CSMD1: variants seen among roughly 807,000 people sequenced by gnomAD.
CSMD1 encodes CUB and Sushi multiple domains 1.
A neutral mutation model predicts 417.5 loss-of-function variants in CSMD1; 213 were observed. The ratio of observed to expected loss-of-function variants is 0.51; its 90% CI spans 0.46 to 0.57. The LOEUF (loss-of-function observed/expected upper bound fraction) is 0.57, where lower values mean the gene tolerates loss of function less well. Ranked by LOEUF, CSMD1 falls within the 20% of genes least tolerant of loss-of-function variation. The probability of loss-of-function intolerance (pLI) is 0.00; values close to 1 mark genes in which losing one functional copy is unlikely to be tolerated. For synonymous variants in CSMD1, 2,862 were observed against 1,736.8 expected (o/e 1.65, Z -16.11); for missense variants, 6,923 against 4,529.7 (o/e 1.53, Z -15.17).
Position 4,145,159 on chromosome 8 carries a change from C to A in CSMD1, c.416-113060G>T, listed in dbSNP as rs1315020445. 2.6e-5 allele frequency among the ~76,000 whole-genome samples: 4 copies of A among 151,084 alleles called. No homozygotes were observed. The East Asian group carries it at 5.8e-4, about 22-fold the overall frequency. ...GTTTAGACACATGTAATAAAAGGCACGAACCCATTCATTCAATTACTAAAA... is the reference window on the plus strand; with the variant it reads ...GTTTAGACACATGTAATAAAAGGCAAGAACCCATTCATTCAATTACTAAAA... On this transcript the variant is annotated intron_variant, in intron 3 of 69. Transcript: ENST00000635120.
intron 3 of CSMD1, among the ~76,000 whole-genome samples, chr8:4,136,473 C>G (rs199949131): frequency 6.6e-6 from 1 of 152,130 alleles, no homozygotes; most frequent in Non-Finnish European, 1.5e-5. Flanking sequence ...TGTTAGCAAA[C>G]CAAAGAACTG....
At chr8:4,583,439 G>A (rs1047479530) in intron 2 of CSMD1, among the ~76,000 whole-genome samples, 18 of 152,070 alleles carry the variant, frequency 1.2e-4, no homozygotes, top group African/African-American at 1.7e-4. Context: ...TGCACCAATC[G>A]ACACTCTGTA....
intron 26 of CSMD1, among the ~76,000 whole-genome samples, chr8:3,240,305 A>C (rs1476386874): frequency 6.6e-6 from 1 of 152,068 alleles, no homozygotes; most frequent in Non-Finnish European, 1.5e-5. Flanking sequence ...GGAGTGGGGA[A>C]AGGACTTAGG....
chr8:3,815,400 T>G (rs61451314), intron 5 of CSMD1, among the ~76,000 whole-genome samples: 2 of 152,300 alleles, frequency 1.3e-5, no homozygotes, highest in Admixed American at 1.3e-4. Context: ...AAATCTGGAA[T>G]GAATTGAGAT....
At chr8:4,064,522 GTGAAGC>G (rs1585235841) in intron 3 of CSMD1, among the ~76,000 whole-genome samples, 2 of 152,338 alleles carry the variant, frequency 1.3e-5, no homozygotes, top group East Asian at 3.9e-4. Context: ...TAACATCCAA[GTGAAGC>G]CACCCATGAG....
At chr8:3,184,575 G>C (rs560775828) in intron 36 of CSMD1, among the ~76,000 whole-genome samples, 12 of 152,286 alleles carry the variant, frequency 7.9e-5, no homozygotes, top group East Asian at 5.8e-4. Context: ...TTACGCATTT[G>C]TTCTGCACAC....
At chr8:4,726,307 G>A (rs146144750) in intron 1 of CSMD1, among the ~76,000 whole-genome samples, 2 of 150,996 alleles carry the variant, frequency 1.3e-5, no homozygotes, top group African/African-American at 4.9e-5. Context: ...AGTGGGTAGC[G>A]GGTTCTTTAA....
At chr8:4,945,494 A>T (rs1187480386) in intron 1 of CSMD1, among the ~76,000 whole-genome samples, 2 of 126,460 alleles carry the variant, frequency 1.6e-5, no homozygotes, top group Non-Finnish European at 3.1e-5. Flanking sequence ...CAAGAGTTTT[A>T]AAAAAACAAA....
At chr8:3,181,589 A>T (rs1302321457) in intron 36 of CSMD1, among the ~76,000 whole-genome samples, 2 of 152,176 alleles carry the variant, frequency 1.3e-5, no homozygotes, top group African/African-American at 4.8e-5. Context: ...ATGAGGGTTG[A>T]GGGAGCAGTC....
chr8:3,732,041 G>C (rs1010659259), intron 6 of CSMD1, among the ~76,000 whole-genome samples: 2 of 122,686 alleles, frequency 1.6e-5, no homozygotes, highest in East Asian at 2.2e-4. Flanking sequence ...ACATTTTTTA[G>C]ACAAAAAAAA....
intron 3 of CSMD1, among the ~76,000 whole-genome samples, chr8:4,211,659 G>A (rs944113694): frequency 3.9e-5 from 6 of 152,166 alleles, no homozygotes; most frequent in Non-Finnish European, 8.8e-5. Context: ...TGTAAATATG[G>A]CAGTATCCTT....
chr8:3,026,106 T>G (rs1461126122), intron 51 of CSMD1, among the ~76,000 whole-genome samples: 1 of 151,978 alleles, frequency 6.6e-6, no homozygotes, highest in African/African-American at 2.4e-5. Flanking sequence ...ATGAGATGAT[T>G]TGGATGGGAA....
At chr8:4,357,770 AAAG>A (rs1391369124) in intron 3 of CSMD1, among the ~76,000 whole-genome samples, 9 of 152,202 alleles carry the variant, frequency 5.9e-5, no homozygotes, top group Non-Finnish European at 1.2e-4. Context: ...AGAAAAATGA[AAAG>A]AATAAGGAGG....
intron 33 of CSMD1, among the ~76,000 whole-genome samples, chr8:3,198,236 T>C (rs1474884511): frequency 6.6e-6 from 1 of 152,182 alleles, no homozygotes; most frequent in Non-Finnish European, 1.5e-5. Flanking sequence ...ATAATCTTTA[T>C]CAAAAACCAA....
At chr8:4,927,086 GC>G (rs1208775002) in intron 1 of CSMD1, among the ~76,000 whole-genome samples, 1 of 100,008 alleles carries the variant, frequency 1.0e-5, no homozygotes, top group East Asian at 3.8e-4. Flanking sequence ...TGCTTTCAAT[GC>G]ATTATTATTA....
At chr8:4,108,995 G>C (rs912688953) in intron 3 of CSMD1, among the ~76,000 whole-genome samples, 1 of 152,178 alleles carries the variant, frequency 6.6e-6, no homozygotes, top group Non-Finnish European at 1.5e-5. Context: ...TATCTGGAAA[G>C]GATTGGTTTC....
intron 5 of CSMD1, among the ~76,000 whole-genome samples, chr8:3,983,150 A>T (rs1814024965): frequency 1.4e-5 from 1 of 70,786 alleles, no homozygotes. Context: ...TTTTTTTTTG[A>T]GACGGACTCT....
At chr8:3,610,353 C>A (rs867842201) in intron 8 of CSMD1, among the ~76,000 whole-genome samples, 7 of 152,092 alleles carry the variant, frequency 4.6e-5, no homozygotes, top group Non-Finnish European at 5.9e-5. Flanking sequence ...GGCAACACAG[C>A]GAGACCTTGT....
At chr8:4,011,194 G>A (rs898579191) in intron 4 of CSMD1, among the ~76,000 whole-genome samples, 1 of 152,114 alleles carries the variant, frequency 6.6e-6, no homozygotes, top group Non-Finnish European at 1.5e-5. Flanking sequence ...TACCTAGTGG[G>A]TACACCTGTT....
Sources: gnomAD v4.1 joint callset for allele counts (sites outside exome capture counted in the v4.1 genomes callset) on GRCh38, gnomAD v4.1.1 for gene constraint, MANE v1.5 for transcripts, NCBI Gene and HGNC (gene_info 2026-07-23, HGNC 2026-07-21) for gene names.